PKD1L3: variants seen among roughly 807,000 people sequenced by gnomAD.
PKD1L3 encodes polycystin 1 like 3, transient receptor potential channel interacting.
Under a neutral mutation model 184.1 loss-of-function variants are expected in PKD1L3, and 239 were observed. That is an observed-to-expected ratio of 1.30 (90% CI 1.17 to 1.45). PKD1L3 has a LOEUF of 1.45. Ranked by LOEUF, PKD1L3 falls within the 40% of genes most tolerant of loss-of-function variation. The pLI is 0.00. For synonymous variants in PKD1L3, 996 were observed against 778.8 expected (o/e 1.28, Z -4.64); for missense variants, 2,660 against 2,067.2 (o/e 1.29, Z -5.56).
chr16:71,993,056 A>G lies in PKD1L3; in HGVS notation c.535+160T>C, dbSNP rs756386855. ...CATATCAAGAAAACACATACATAAAATGAAGGCAAAGACTGCCATATTAAG... is the reference window on the plus strand; with the variant it reads ...CATATCAAGAAAACACATACATAAAGTGAAGGCAAAGACTGCCATATTAAG... On this transcript the variant is annotated intron_variant, in intron 3 of 29. Coordinates refer to ENST00000620267, the MANE Select transcript of PKD1L3 (RefSeq NM_181536.2). Among the ~76,000 whole-genome samples, 88 of 152,238 alleles carry G rather than the reference A, an allele frequency of 5.8e-4. 1 individual carries two copies. The highest frequency in any genetic ancestry group is 1.0e-3 in the Non-Finnish European group (70 of 68,040).
chr16:71,979,077 G>A (rs192533954), intron 9 of PKD1L3, among the ~76,000 whole-genome samples: 3 of 152,296 alleles, frequency 2.0e-5, no homozygotes, highest in East Asian at 1.9e-4. Flanking sequence ...ACTGCTGAAA[G>A]GAATACAATA....
Position 71,934,054 on chromosome 16 carries a change from A to C in PKD1L3, c.4685T>G (p.Leu1562Arg). 1.3e-6 allele frequency: 2 copies of C among 1,551,956 alleles called. No individual in the cohort carries two copies. ...ATHLVGFPVL[L>R]ATVQLWNLLR... ...CAGGTTCCATAACTGAACAGTTGCC[A>C]GGAGAACCGGGAAGCCCACAAGGTG... Residue 1562 changes from leucine (L) to arginine (R), a missense_variant, in exon 27 of 30, where the codon CTG becomes CGG. Coordinates refer to ENST00000620267, the MANE Select transcript of PKD1L3 (RefSeq NM_181536.2).
chr16:71,979,861 G>C lies in PKD1L3; in HGVS notation c.1323C>G (p.Ala441=), dbSNP rs889780448. ...CCGACGGAAAGCCTAGCCTCACAGG[G>C]GCTGGGTGACCCAGAGTGTAAGAGC... is the stretch of plus-strand genomic sequence containing the variant. ...PLSSYTLGHP[A]PVRLGFPSAL... Residue 441 remains alanine (A), a synonymous_variant, in exon 9 of 30, where the codon GCC becomes GCG. Coordinates refer to ENST00000620267, the MANE Select transcript of PKD1L3 (RefSeq NM_181536.2). 1.3e-5 allele frequency: 20 copies of C among 1,536,470 alleles called. No individual in the cohort carries two copies. The African/African-American group carries it at 2.8e-4, about 21-fold the overall frequency.
chr16:71,994,132 T>C (rs985548244), intron 2 of PKD1L3, among the ~76,000 whole-genome samples: 10 of 152,122 alleles, frequency 6.6e-5, no homozygotes, highest in African/African-American at 9.7e-5. Context: ...ACACACACAA[T>C]TGGACATGGC....
chr16:71,964,487 A>G (rs940473160), intron 15 of PKD1L3, among the ~76,000 whole-genome samples: 2 of 150,646 alleles, frequency 1.3e-5, no homozygotes, highest in Non-Finnish European at 3.0e-5. Context: ...TACAGGAAGG[A>G]GCCACCACGC....
chr16:71,974,179 T>A (rs1236929306), intron 11 of PKD1L3, among the ~76,000 whole-genome samples: 2 of 152,136 alleles, frequency 1.3e-5, no homozygotes, highest in Non-Finnish European at 2.9e-5. Flanking sequence ...TAGGGCAGCT[T>A]CAGGAACAAA....
At chr16:71,954,478 T>C (rs2038971583) in intron 16 of PKD1L3, among the ~76,000 whole-genome samples, 177 bp from the exon 17 acceptor site, 1 of 152,236 alleles carries the variant, frequency 6.6e-6, no homozygotes, top group Non-Finnish European at 1.5e-5. Context: ...TCTTTTACCA[T>C]CACCCGAATG....
At chr16:71,975,058 G>T (rs372861076) in intron 11 of PKD1L3, among the ~76,000 whole-genome samples, 2 of 151,912 alleles carry the variant, frequency 1.3e-5, no homozygotes, top group Non-Finnish European at 2.9e-5. Context: ...TATATATCAG[G>T]AATTTTTATT....
chr16:71,931,891 C>A (rs1051413469), intron 28 of PKD1L3, among the ~76,000 whole-genome samples: 1 of 152,106 alleles, frequency 6.6e-6, no homozygotes, highest in African/African-American at 2.4e-5. Flanking sequence ...ATAGTTGTTA[C>A]ACCGGTTTGT....
At chr16:71,938,059 G>A (rs770001716) in intron 24 of PKD1L3, among the ~76,000 whole-genome samples, 20 of 152,152 alleles carry the variant, frequency 1.3e-4, no homozygotes, top group Non-Finnish European at 2.6e-4. Context: ...TTGGAGGGTT[G>A]GGAGCCCCAC....
chr16:71,930,441 A>T, intron 28 of PKD1L3: 1 of 302,646 alleles, frequency 3.3e-6, no homozygotes, highest in Non-Finnish European at 6.0e-6. Context: ...GTGGAATTGG[A>T]AATGATTCAA....
At chr16:71,945,266 C>CCATA (rs2038526093) in intron 22 of PKD1L3, among the ~76,000 whole-genome samples, 1 of 63,944 alleles carries the variant, frequency 1.6e-5, no homozygotes, top group South Asian at 5.3e-4. Context: ...AATTTCTTAA[C>CCATA]TATATATATA....
intron 26 of PKD1L3, 97 bp downstream of exon 26, chr16:71,935,260 TA>T: frequency 7.9e-7 from 1 of 1,273,386 alleles, no homozygotes; most frequent in South Asian, 1.6e-5. Context: ...GTTATGCAAA[TA>T]CAGATCTGGT....
chr16:71,950,884 C>T (rs1317930905), intron 19 of PKD1L3, among the ~76,000 whole-genome samples: 1 of 151,606 alleles, frequency 6.6e-6, no homozygotes, highest in Non-Finnish European at 1.5e-5. Flanking sequence ...AGGCATCTGC[C>T]ACCATGACCA....
In PKD1L3 at chr16:71,984,045, C is replaced by T. The variant is rs1328540346; in HGVS notation, c.957G>A (p.Lys319=). 2.6e-6 allele frequency: 4 copies of T among 1,551,978 alleles called. No homozygotes were observed. Among genetic ancestry groups the T allele is most frequent in the African/African-American group, 1.4e-5 (1 of 73,028 alleles). Residue 319 remains lysine (K), a synonymous_variant, in exon 6 of 30, where the codon AAG becomes AAA. Transcript: ENST00000620267. ...GTCACCCTCCACTTACCTGAGCTGGCTTAGAAAATCTTGGGGTTAAGGCTG... is the reference window on the plus strand; with the variant it reads ...GTCACCCTCCACTTACCTGAGCTGGTTTAGAAAATCTTGGGGTTAAGGCTG... The part of the protein sequence containing the change: ...KLTALTPRFS[K]PAQVNLINSL...
chr16:71,992,143 G>A (rs770140733), intron 3 of PKD1L3, among the ~76,000 whole-genome samples: 10 of 152,106 alleles, frequency 6.6e-5, no homozygotes, highest in Non-Finnish European at 1.0e-4. Flanking sequence ...AGGATTACAG[G>A]TGTGAGCAAA....
intron 9 of PKD1L3, 133 bp from the exon 10 acceptor site, chr16:71,978,516 TATATACATAC>T (rs1389248088): frequency 1.3e-3 from 164 of 127,746 alleles, no homozygotes; most frequent in Middle Eastern, 3.3e-3. Context: ...TATATATATA[TATATACATAC>T]ATACATACAT....
rs1439994867 is a variant in PKD1L3, at chr16:71,947,407, T to C, written c.3718+85A>G. The C allele has an allele frequency of 3.5e-6, 3 of 849,752 alleles. No homozygotes were observed. In the African/African-American group the frequency reaches 5.0e-5, roughly 14 times the overall value. The allele number at this position is 849,752 out of a possible 1,614,324, so 52.6% of individuals were successfully genotyped here. On this transcript the variant is annotated intron_variant, in intron 22 of 29. Coordinates refer to ENST00000620267, the MANE Select transcript of PKD1L3 (RefSeq NM_181536.2). ...GTTGGTTAGAGACAAGTCCTTTGAA[T>C]GGGTTAATTTATCGAGTCAGCAAGG...
intron 18 of PKD1L3, among the ~76,000 whole-genome samples, chr16:71,952,566 G>A (rs1282250950): frequency 2.7e-5 from 1 of 37,686 alleles, no homozygotes; most frequent in African/African-American, 7.0e-5. Flanking sequence ...TGGGCACGGT[G>A]GCTTACGCCT....
Sources: allele counts gnomAD v4.1 joint callset (sites outside exome capture counted in the v4.1 genomes callset), GRCh38; gene constraint gnomAD v4.1.1; transcripts MANE v1.5; gene names NCBI Gene and HGNC (gene_info 2026-07-23, HGNC 2026-07-21).